CLTCL1: variants seen among roughly 807,000 people sequenced by gnomAD.
CLTCL1 encodes clathrin heavy chain like 1.
CLTCL1 carries 159 observed loss-of-function variants against 190.0 expected under a neutral mutation model. That is an observed-to-expected ratio of 0.84 (90% CI 0.74 to 0.95). The LOEUF (loss-of-function observed/expected upper bound fraction) is 0.95. Among genes scored for constraint, CLTCL1 ranks in the 40% least tolerant of loss-of-function variants. The pLI is 0.00. For synonymous variants in CLTCL1, 752 were observed against 769.6 expected, an observed-to-expected ratio of 0.98 and a Z score of 0.38; for missense variants, 1,878 against 2,033.4, an observed-to-expected ratio of 0.92 and a Z score of 1.47.
intron 29 of CLTCL1, 102 bp downstream of exon 29, chr22:19,187,454 CAG>C: frequency 8.2e-7 from 1 of 1,212,890 alleles, no homozygotes; most frequent in Non-Finnish European, 1.2e-6. Flanking sequence ...TGGTGAAGCT[CAG>C]AGCCAGGTCT....
rs188040717 is a variant in CLTCL1 at position 19,238,300 on chromosome 22, G to A, written c.795+975C>T. ...AGACGGGGTTTCACCATGTTGCCCA[G>A]GCTGGCGTCGAACTCCTGAGCTCAG... On this transcript the variant is annotated intron_variant, in intron 5 of 32. Transcript: ENST00000427926. The A allele has an allele frequency of 1.6e-4, 25 of 152,290 alleles. No homozygotes were observed. In the East Asian group the frequency reaches 4.6e-3, roughly 28 times the overall value. 9.4% of individuals were successfully genotyped at this position (152,290 alleles called of 1,614,324 possible). A position where few individuals can be genotyped will look rare whatever the true frequency, so the allele number is the denominator to read the frequency against.
chr22:19,252,724 G>GA, intron 3 of CLTCL1, among the ~76,000 whole-genome samples: 1 of 152,176 alleles, frequency 6.6e-6, no homozygotes, highest in South Asian at 2.1e-4. Flanking sequence ...CACCAGGAAT[G>GA]AAAAAAGGGG....
intron 16 of CLTCL1, 29 bp downstream of exon 16, chr22:19,221,922 A>G (rs1020045732): frequency 1.2e-6 from 2 of 1,611,466 alleles, no homozygotes; most frequent in Non-Finnish European, 1.7e-6. Context: ...TCCAGGGGTA[A>G]GAGAAAACAC....
Position 19,199,749 on chromosome 22 carries a change from C to T in CLTCL1, c.3858G>A (p.Leu1286=), listed in dbSNP as rs1555937944. ...IVIHADELEE[L]MCYYQDRGYF... ...ATCTGGTCACCTGGTAATAGCACAT[C>T]AGCTCCTCCAGCTCATCTGCATGAA... is the stretch of plus-strand genomic sequence containing the variant. Residue 1286 remains leucine (L), a synonymous_variant, in exon 24 of 33, where the codon CTG becomes CTA. Coordinates refer to ENST00000427926, the MANE Select transcript of CLTCL1 (RefSeq NM_007098.4). 6.3e-7 allele frequency: 1 copy of T among 1,587,944 alleles called. No individual in the cohort carries two copies. Among genetic ancestry groups the T allele is most frequent in the East Asian group, 2.3e-5 (1 of 43,762 alleles).
At chr22:19,181,538 GT>G (rs2084138805) in intron 30 of CLTCL1, 1 of 152,336 alleles carries the variant, frequency 6.6e-6, no homozygotes, top group Non-Finnish European at 1.5e-5. Context: ...GACACCTAGG[GT>G]GAGGGCTGAG....
chr22:19,274,271 G>A (rs1012285768), intron 2 of CLTCL1, among the ~76,000 whole-genome samples: 1 of 152,142 alleles, frequency 6.6e-6, no homozygotes, highest in Non-Finnish European at 1.5e-5. Flanking sequence ...AGACCAGCCT[G>A]AACAACATGG....
At chr22:19,263,077 G>A (rs941530919) in intron 2 of CLTCL1, among the ~76,000 whole-genome samples, 4 of 150,694 alleles carry the variant, frequency 2.7e-5, no homozygotes, top group African/African-American at 9.7e-5. Context: ...GGCTGATAAT[G>A]GTAAGCAATT....
chr22:19,275,919 A>G, intron 1 of CLTCL1, 89 bp from the exon 2 acceptor site: 1 of 1,197,496 alleles, frequency 8.4e-7, no homozygotes, highest in Non-Finnish European at 1.2e-6. Flanking sequence ...GTTAAATAAA[A>G]TTTAGAAAAA....
At chr22:19,184,774 C>T in intron 29 of CLTCL1, 1 of 340,432 alleles carries the variant, frequency 2.9e-6, no homozygotes, top group Non-Finnish European at 5.8e-6. Flanking sequence ...AGAAGCAGCC[C>T]CCAGGAAGCT....
intron 3 of CLTCL1, among the ~76,000 whole-genome samples, chr22:19,244,979 T>C (rs2086371627): frequency 6.6e-6 from 1 of 152,120 alleles, no homozygotes; most frequent in African/African-American, 2.4e-5. Flanking sequence ...AGAGTGCTGA[T>C]TGCTACAGCA....
At chr22:19,233,650 T>C (rs1326591349) in intron 7 of CLTCL1, 28 bp from the exon 8 acceptor site, 7 of 1,602,496 alleles carry the variant, frequency 4.4e-6, no homozygotes, top group Admixed American at 1.7e-5. Flanking sequence ...AATAGGTCAT[T>C]GTGTTGTAAT....
intron 1 of CLTCL1, among the ~76,000 whole-genome samples, chr22:19,277,473 A>G (rs1555984059): frequency 6.6e-6 from 1 of 152,212 alleles, no homozygotes; most frequent in Non-Finnish European, 1.5e-5. Context: ...CTAAGTGGTG[A>G]TTATGTTCCC....
chr22:19,194,067 T>C (rs1230760514), intron 26 of CLTCL1, among the ~76,000 whole-genome samples: 1 of 152,180 alleles, frequency 6.6e-6, no homozygotes. Flanking sequence ...TGGTCCATTC[T>C]ACAGAGTGCT....
At chr22:19,208,748 A>G (rs782447466) in intron 21 of CLTCL1, among the ~76,000 whole-genome samples, 174 bp downstream of exon 21, 1 of 151,790 alleles carries the variant, frequency 6.6e-6, no homozygotes, top group African/African-American at 2.4e-5. Flanking sequence ...GCTGGTGTCA[A>G]TAACAGAATA....
Position 19,233,336 on chromosome 22 carries a change from A to T in CLTCL1, c.1369-18T>A, listed in dbSNP as rs782560925. On this transcript the variant is annotated intron_variant, in intron 8 of 32. Transcript: ENST00000427926. ...CACTCCAGCTGTGGTATGCCAAGGG[A>T]CAAGGCAAAGTTAGGAGGCAGGTAG... The T allele has an allele frequency of 6.2e-7, 1 of 1,611,250 alleles. No individual in the cohort carries two copies. Among genetic ancestry groups the T allele is most frequent in the East Asian group, 2.2e-5 (1 of 44,810 alleles).
intron 14 of CLTCL1, among the ~76,000 whole-genome samples, chr22:19,223,279 C>A (rs1272201307): frequency 6.6e-6 from 1 of 152,102 alleles, no homozygotes; most frequent in Non-Finnish European, 1.5e-5. Flanking sequence ...GTGCCTAGAT[C>A]ACATTTTGAA....
chr22:19,222,028 C>T lies in CLTCL1; in HGVS notation c.2484G>A (p.Val828=). 1 of 1,614,038 alleles carries T rather than the reference C, an allele frequency of 6.2e-7. No individual in the cohort carries two copies. The highest frequency in any genetic ancestry group is 8.5e-7 in the Non-Finnish European group (1 of 1,179,904). Residue 828 remains valine, a synonymous_variant, in exon 16 of 33, where the codon GTG becomes GTA. Transcript: ENST00000427926. The part of the protein sequence containing the change: ...GLLDVDCSEE[V]IKHLIMAVRG... ...TCACTGCCATGATTAAGTGTTTAAT[C>T]ACTTCCTCAGAACAATCCACATCAA...
In CLTCL1 at chr22:19,235,775, C is replaced by T. The variant is rs201700885; in HGVS notation, c.890G>A (p.Arg297His). The change falls in exon 6 of 33, where the codon CGT becomes CAT. Residue 297 changes from arginine (R) to histidine (H), a missense_variant. Physicochemically the swap from Arg to His is conservative, Grantham distance 29 (BLOSUM62 0). Transcript: ENST00000427926. ...GACAAATATTGTGTCAGCACTAATA[C>T]GGTTCATGCAGATGCACACGCCAGA... ...LESGVCICMN[R>H]ISADTIFVTA... The T allele has an allele frequency of 5.6e-6, 9 of 1,613,964 alleles. No individual in the cohort carries two copies. The highest frequency in any genetic ancestry group is 4.5e-5 in the East Asian group (2 of 44,882).
chr22:19,210,485 C>A lies in CLTCL1; in HGVS notation c.3090G>T (p.Leu1030=). The change falls in exon 20 of 33, where the codon CTG becomes CTT. Residue 1030 remains leucine, a synonymous_variant. Coordinates refer to ENST00000427926, the MANE Select transcript of CLTCL1 (RefSeq NM_007098.4). ...GTGTGCGGTCTGCCTTGATGGCAGT[C>A]AGGATCAACAGATTCTGTAGATTCC... ...EHRNLQNLLI[L]TAIKADRTRV... 6.2e-7 allele frequency: 1 copy of A among 1,613,796 alleles called. No individual in the cohort carries two copies. The highest frequency in any genetic ancestry group is 8.5e-7 in the Non-Finnish European group (1 of 1,179,834).
Sources: gnomAD v4.1 joint callset for allele counts (sites outside exome capture counted in the v4.1 genomes callset) on GRCh38, gnomAD v4.1.1 for gene constraint, MANE v1.5 for transcripts, NCBI Gene and HGNC (gene_info 2026-07-23, HGNC 2026-07-21) for gene names.